CPVL: variants seen among roughly 807,000 people sequenced by gnomAD.
CPVL encodes the protein probable serine carboxypeptidase CPVL.
A neutral mutation model predicts 63.7 loss-of-function variants in CPVL; 51 were observed. The ratio of observed to expected loss-of-function variants is 0.80; its 90% CI spans 0.64 to 1.01. The LOEUF is 1.01. Ranked by LOEUF, CPVL falls within the 50% of genes least tolerant of loss-of-function variation. CPVL has a pLI of 0.00. For missense variants in CPVL, 530 were observed against 573.1 expected, an observed-to-expected ratio of 0.92 and a Z score of 0.77; for synonymous variants, 195 against 206.0, an observed-to-expected ratio of 0.95 and a Z score of 0.46.
At chr7:29,035,458 T>C (rs1788432824) in intron 11 of CPVL, among the ~76,000 whole-genome samples, 1 of 152,200 alleles carries the variant, frequency 6.6e-6, no homozygotes, top group African/African-American at 2.4e-5. Flanking sequence ...ACAGTTCACA[T>C]CTCCGGTTCA....
chr7:29,117,333 GTC>G (rs1398927138), intron 2 of CPVL, among the ~76,000 whole-genome samples: 2 of 152,342 alleles, frequency 1.3e-5, no homozygotes, highest in East Asian at 3.9e-4. Flanking sequence ...GATGTCAGTA[GTC>G]TCTCAGATGG....
chr7:29,163,289 AT>A (rs1404831140), intron 5 of CPVL, among the ~76,000 whole-genome samples: 1 of 152,174 alleles, frequency 6.6e-6, no homozygotes, highest in African/African-American at 2.4e-5. Flanking sequence ...TATGAAAAAC[AT>A]TGTAAAATAC....
At chr7:29,035,539 C>T (rs942602046) in intron 11 of CPVL, among the ~76,000 whole-genome samples, 2 of 152,288 alleles carry the variant, frequency 1.3e-5, no homozygotes, top group South Asian at 2.1e-4. Context: ...GCTCTATGGA[C>T]AGGATGTGTG....
At chr7:29,108,145 C>T (rs1356067639) in intron 3 of CPVL, among the ~76,000 whole-genome samples, 1 of 152,218 alleles carries the variant, frequency 6.6e-6, no homozygotes, top group Non-Finnish European at 1.5e-5. Context: ...CTTTCATAGA[C>T]ACTAGATTCT....
chr7:29,020,672 A>G (rs970229026), intron 12 of CPVL, among the ~76,000 whole-genome samples: 3 of 128,810 alleles, frequency 2.3e-5, no homozygotes, highest in Non-Finnish European at 5.6e-5. Flanking sequence ...TGTTGTTTTT[A>G]AAAAAACAAT....
intron 11 of CPVL, among the ~76,000 whole-genome samples, chr7:29,050,568 C>T (rs1166828992): frequency 1.3e-5 from 2 of 152,016 alleles, no homozygotes; most frequent in Non-Finnish European, 2.9e-5. Context: ...CTACAAAACA[C>T]TGCTGAAAGA....
At chr7:29,080,573 A>G (rs1351877211) in intron 7 of CPVL, among the ~76,000 whole-genome samples, 1 of 152,046 alleles carries the variant, frequency 6.6e-6, no homozygotes, top group Non-Finnish European at 1.5e-5. Flanking sequence ...AAAAAAAAAA[A>G]AAAAGTAGGT....
At chr7:29,117,337 C>T (rs936365719) in intron 2 of CPVL, among the ~76,000 whole-genome samples, 1 of 152,224 alleles carries the variant, frequency 6.6e-6, no homozygotes, top group African/African-American at 2.4e-5. Context: ...TCAGTAGTCT[C>T]TCAGATGGAT....
intron 8 of CPVL, 72 bp from the exon 9 acceptor site, chr7:29,071,976 G>T: frequency 6.4e-7 from 1 of 1,570,064 alleles, no homozygotes; most frequent in South Asian, 1.2e-5. Flanking sequence ...CCATTTGCTT[G>T]GTGAAATAAT....
At chr7:28,997,954 C>G (rs1562714826) in intron 12 of CPVL, among the ~76,000 whole-genome samples, 1 of 152,330 alleles carries the variant, frequency 6.6e-6, no homozygotes, top group South Asian at 2.1e-4. Context: ...TGCAGTTGAT[C>G]AATGGTCATT....
chr7:29,075,959 T>TTTTC (rs1436444444), intron 7 of CPVL, among the ~76,000 whole-genome samples: 1 of 147,798 alleles, frequency 6.8e-6, no homozygotes, highest in Admixed American at 6.8e-5. Context: ...TGAGATAGTT[T>TTTTC]TTTTTTTTTT....
At chr7:29,120,590 G>A (rs1472841433) in intron 2 of CPVL, among the ~76,000 whole-genome samples, 4 of 151,962 alleles carry the variant, frequency 2.6e-5, no homozygotes, top group South Asian at 2.1e-4. Context: ...TTGGGAGGCC[G>A]AGGTGGGTGA....
At chr7:29,095,848 CT>C (rs1193080362) in intron 4 of CPVL, among the ~76,000 whole-genome samples, 1 of 152,256 alleles carries the variant, frequency 6.6e-6, no homozygotes, top group East Asian at 1.9e-4. Flanking sequence ...ACCCAGAATG[CT>C]TGAGTCAGCA....
intron 11 of CPVL, among the ~76,000 whole-genome samples, chr7:29,054,982 TTA>T (rs1790558744): frequency 6.6e-6 from 1 of 152,222 alleles, no homozygotes; most frequent in Admixed American, 6.5e-5. Context: ...GCCATATTTA[TTA>T]GTTTCTCATT....
At chr7:29,003,567 C>T (rs1441268308) in intron 12 of CPVL, among the ~76,000 whole-genome samples, 1 of 152,122 alleles carries the variant, frequency 6.6e-6, no homozygotes, top group African/African-American at 2.4e-5. Context: ...TATGTGAACA[C>T]AAGTAAGGAG....
intron 1 of CPVL, chr7:29,194,953 C>T: frequency 1.3e-6 from 2 of 1,575,826 alleles, no homozygotes; most frequent in East Asian, 2.5e-5. Flanking sequence ...TGGCAGCGTC[C>T]AGCAACTCCA....
chr7:29,125,020 A>G (rs558784402), intron 1 of CPVL: 1 of 152,274 alleles, frequency 6.6e-6, no homozygotes, highest in Non-Finnish European at 1.5e-5. Flanking sequence ...CTGATCTCCT[A>G]AAGCCACAGA....
intron 2 of CPVL, among the ~76,000 whole-genome samples, chr7:29,118,299 T>C (rs944687760): frequency 2.0e-5 from 3 of 152,258 alleles, no homozygotes; most frequent in African/African-American, 2.4e-5. Context: ...TTTTCATCCC[T>C]ACATTAAATG....
intron 2 of CPVL, 55 bp downstream of exon 2, chr7:29,120,838 A>G: frequency 1.4e-6 from 2 of 1,396,612 alleles, no homozygotes; most frequent in Non-Finnish European, 9.8e-7. Flanking sequence ...AAAAAAAAAA[A>G]GAGAAACTGT....
Sources: gnomAD v4.1 joint callset for allele counts (sites outside exome capture counted in the v4.1 genomes callset) on GRCh38, gnomAD v4.1.1 for gene constraint, MANE v1.5 for transcripts, NCBI Gene and HGNC (gene_info 2026-07-23, HGNC 2026-07-21) for gene names.